Variants in NNT observed in about 807,000 individuals in gnomAD.
NNT encodes the protein nicotinamide nucleotide transhydrogenase.
Under a neutral mutation model 104.8 loss-of-function variants are expected in NNT, and 50 were observed. The observed-to-expected ratio is 0.48, with a 90% CI of 0.38 to 0.60. The LOEUF is 0.60. Among genes scored for constraint, NNT ranks in the 20% least tolerant of loss-of-function variants. The pLI is 0.00. For missense variants in NNT, 1,131 were observed against 1,330.7 expected (o/e 0.85, Z 2.33); for synonymous variants, 461 against 490.4 (o/e 0.94, Z 0.79).
At position 43,605,522 on chromosome 5, in the gene NNT, C is replaced by CAAAAA. The variant is rs70997416; in HGVS notation, c.-54+2253_-54+2257dup. ...TGGGCGACAGAGCGAGACTCCGTCTCAAAAAAAAAAAAAAAAAAAAAAAAA... is the reference window on the plus strand; with the variant it reads ...TGGGCGACAGAGCGAGACTCCGTCTCAAAAAAAAAAAAAAAAAAAAAAAAAAAAAA... On this transcript the variant is annotated intron_variant, in intron 1 of 21. Transcript: ENST00000344920. Among the ~76,000 whole-genome samples, 25 of 37,722 alleles carry CAAAAA rather than the reference C, an allele frequency of 6.6e-4. 1 individual carries two copies. The highest frequency in any genetic ancestry group is 1.9e-3 in the African/African-American group (19 of 10,104). 24.7% of individuals were successfully genotyped at this position (37,722 alleles called of 152,430 possible).
At chr5:43,689,605 G>A (rs376129806) in intron 19 of NNT, among the ~76,000 whole-genome samples, 20 of 151,910 alleles carry the variant, frequency 1.3e-4, no homozygotes, top group African/African-American at 2.9e-4. Flanking sequence ...TCATTATTTC[G>A]CGTGTGGCTT....
At chr5:43,675,208 A>AT (rs1190381807) in intron 17 of NNT, among the ~76,000 whole-genome samples, 2 of 152,068 alleles carry the variant, frequency 1.3e-5, no homozygotes, top group East Asian at 1.9e-4. Flanking sequence ...AATAGATGTG[A>AT]TTTTTTCATT....
intron 14 of NNT, chr5:43,653,509 C>A: frequency 6.8e-5 from 12 of 175,592 alleles, no homozygotes; most frequent in Non-Finnish European, 1.3e-4. Flanking sequence ...ATGTACTATA[C>A]ATAAGCTAAC....
chr5:43,637,153 CTT>C (rs771240584), intron 7 of NNT, among the ~76,000 whole-genome samples: 2 of 152,062 alleles, frequency 1.3e-5, no homozygotes, highest in Non-Finnish European at 2.9e-5. Flanking sequence ...GCCAGAATCT[CTT>C]TAGGCTCATG....
chr5:43,646,719 G>A (rs781469698), intron 10 of NNT, among the ~76,000 whole-genome samples: 1 of 152,044 alleles, frequency 6.6e-6, no homozygotes, highest in African/African-American at 2.4e-5. Flanking sequence ...ACATGGGTAG[G>A]ACAAGGGAAG....
At chr5:43,657,960 C>A (rs971729434) in intron 16 of NNT, among the ~76,000 whole-genome samples, 20 of 151,884 alleles carry the variant, frequency 1.3e-4, no homozygotes, top group South Asian at 4.2e-4. Flanking sequence ...CATGGTGAAA[C>A]CCCGTCTCTA....
intron 17 of NNT, among the ~76,000 whole-genome samples, chr5:43,672,882 G>A (rs950667746): frequency 4.6e-5 from 7 of 152,242 alleles, no homozygotes; most frequent in African/African-American, 1.7e-4. Context: ...GCCCCCAGAG[G>A]TGGAGTCTAC....
intron 17 of NNT, among the ~76,000 whole-genome samples, chr5:43,665,219 T>TTATTATTATTATTA (rs1168907596): frequency 8.6e-6 from 1 of 116,836 alleles, no homozygotes; most frequent in African/African-American, 4.0e-5. Context: ...TATTTATTTA[T>TTATTATTATTATTA]TTATTATTAT....
intron 17 of NNT, among the ~76,000 whole-genome samples, chr5:43,668,493 CA>C (rs1245492919): frequency 1.3e-5 from 2 of 152,162 alleles, no homozygotes; most frequent in Admixed American, 6.5e-5. Context: ...CAGCTTTCTT[CA>C]TATGTCTAGC....
chr5:43,619,125 TACAA>T lies in NNT; in HGVS notation c.687+7_687+10del, dbSNP rs780880982. 8 of 1,506,394 alleles carry T rather than the reference TACAA, an allele frequency of 5.3e-6. No individual in the cohort carries two copies. The African/African-American group carries it at 1.1e-4, about 21-fold the overall frequency. The allele number at this position is 1,506,394 out of a possible 1,614,324, so 93.3% of individuals were successfully genotyped here. ...GAAAAGTTCCTCCAGCTAAGGTAGG[TACAA>T]CTTTTAATGTTTCTTTATAATATGC... On this transcript the variant is annotated splice_region_variant and intron_variant, in intron 5 of 21. Coordinates refer to ENST00000344920, the MANE Select transcript of NNT (RefSeq NM_182977.3).
chr5:43,645,707 A>ATTTT (rs1561286676), intron 10 of NNT, 197 bp downstream of exon 10: 41 of 85,226 alleles, frequency 4.8e-4, no homozygotes, highest in Non-Finnish European at 6.8e-4. Flanking sequence ...ATATATATAT[A>ATTTT]TATTTTTTTT....
At chr5:43,703,812 A>C (rs1301705790) in intron 21 of NNT, among the ~76,000 whole-genome samples, 1 of 152,150 alleles carries the variant, frequency 6.6e-6, no homozygotes, top group Non-Finnish European at 1.5e-5. Context: ...ATATACTTTA[A>C]AGTCATAGAA....
intron 15 of NNT, among the ~76,000 whole-genome samples, chr5:43,656,422 TAGTA>T (rs1465075666): frequency 1.3e-5 from 2 of 152,186 alleles, no homozygotes; most frequent in African/African-American, 4.8e-5. Flanking sequence ...TATTGATACT[TAGTA>T]AGTCTCATAA....
intron 17 of NNT, among the ~76,000 whole-genome samples, chr5:43,660,458 A>C (rs899869540): frequency 6.6e-6 from 1 of 152,146 alleles, no homozygotes; most frequent in Non-Finnish European, 1.5e-5. Flanking sequence ...TATGGATGTT[A>C]TTTTCTAAAT....
At chr5:43,612,032 A>G (rs1335847746) in intron 2 of NNT, among the ~76,000 whole-genome samples, 5 of 152,314 alleles carry the variant, frequency 3.3e-5, no homozygotes, top group African/African-American at 1.2e-4. Flanking sequence ...TACTCCTTGG[A>G]TAAGTGGAAT....
rs1440749011 is a variant in NNT, at chr5:43,675,640, C to T, written c.2764C>T (p.Arg922Ter). ...CCTTGACAATGCAATTGACATGATT[C>T]GAGAAGCTAATAGCATTATTATTAC... Reference protein sequence around the residue: ...INLDNAIDMIREANSIIITPG... With the variant: ...INLDNAIDMI Residue 922 changes from arginine to a stop codon, truncating the protein, a stop_gained, in exon 18 of 22, where the codon CGA becomes TGA. Coordinates refer to ENST00000344920, the MANE Select transcript of NNT (RefSeq NM_182977.3). LOFTEE classifies it high-confidence loss of function. 3.1e-6 allele frequency: 5 copies of T among 1,605,700 alleles called. No individual in the cohort carries two copies. Among genetic ancestry groups the T allele is most frequent in the East Asian group, 2.3e-5 (1 of 44,342 alleles).
At chr5:43,672,731 A>T (rs1039170718) in intron 17 of NNT, among the ~76,000 whole-genome samples, 4 of 152,262 alleles carry the variant, frequency 2.6e-5, no homozygotes, top group African/African-American at 9.6e-5. Context: ...CTCAGGGGTC[A>T]GGGACCCACT....
At position 43,645,496 on chromosome 5, in the gene NNT, C is replaced by T; in HGVS notation, c.1430C>T (p.Ser477Phe). ...TTCAGGAAGACAATGTCAACGGCTT[C>T]TGCATATACAGCAGGTGAGGATACC... The part of the protein sequence containing the change: ...TPFRKTMSTA[S>F]AYTAGLTGIL... The change falls in exon 10 of 22, where the codon TCT (serine) becomes TTT (phenylalanine). Residue 477 changes from serine to phenylalanine, a missense_variant. By Grantham distance (155) the Ser-to-Phe change is radical. Transcript: ENST00000344920. The T allele has an allele frequency of 6.5e-7, 1 of 1,538,208 alleles. No homozygotes were observed. The highest frequency in any genetic ancestry group is 8.8e-7 in the Non-Finnish European group (1 of 1,141,394).
chr5:43,686,600 A>G (rs942962957), intron 19 of NNT, among the ~76,000 whole-genome samples: 15 of 152,262 alleles, frequency 9.9e-5, no homozygotes, highest in Middle Eastern at 6.8e-3. Flanking sequence ...TTGACATTAA[A>G]TCAACATTTG....
Sources: gnomAD v4.1 joint callset for allele counts (sites outside exome capture counted in the v4.1 genomes callset) on GRCh38, gnomAD v4.1.1 for gene constraint, MANE v1.5 for transcripts, NCBI Gene and HGNC (gene_info 2026-07-23, HGNC 2026-07-21) for gene names.